SATL1: variants seen among roughly 807,000 people sequenced by gnomAD.
The protein encoded by SATL1 is spermidine/spermine N(1)-acetyltransferase-like protein 1.
Under a neutral mutation model 51.8 loss-of-function variants are expected in SATL1, and 47 were observed. The observed-to-expected ratio is 0.91, with a 90% CI of 0.72 to 1.16. SATL1 has a LOEUF of 1.16. SATL1 is among the 50% of genes most tolerant of loss of function. The pLI is 0.00. For missense variants in SATL1, 520 were observed against 526.4 expected, an observed-to-expected ratio of 0.99 and a Z score of 0.12; for synonymous variants, 176 against 182.4, an observed-to-expected ratio of 0.97 and a Z score of 0.28.
chrX:85,137,315 C>T (rs993924504), intron 2 of SATL1, among the ~76,000 whole-genome samples: 3 of 111,202 alleles, frequency 2.7e-5, no homozygotes, highest in Admixed American at 9.6e-5. Flanking sequence ...AGTAGGTGAA[C>T]GTAATAATTG....
intron 2 of SATL1, among the ~76,000 whole-genome samples, chrX:85,168,505 C>A (rs1926896310): frequency 9.0e-6 from 1 of 111,190 alleles, no homozygotes; most frequent in African/African-American, 3.3e-5. Context: ...AGAGCCAAAT[C>A]AGGAATGAAC....
At chrX:85,225,429 C>G (rs1384560560) in intron 1 of SATL1, among the ~76,000 whole-genome samples, 1 of 112,384 alleles carries the variant, frequency 8.9e-6, no homozygotes, top group Non-Finnish European at 1.9e-5. Flanking sequence ...TGAATCCACA[C>G]TATCCCAGTA....
At chrX:85,152,533 C>T (rs1926476628) in intron 2 of SATL1, among the ~76,000 whole-genome samples, 1 of 111,279 alleles carries the variant, frequency 9.0e-6, no homozygotes, top group Non-Finnish European at 1.9e-5. Flanking sequence ...TTTATTGCGG[C>T]ACTATTCACA....
At chrX:85,168,060 A>C (rs1926886188) in intron 2 of SATL1, among the ~76,000 whole-genome samples, 1 of 111,287 alleles carries the variant, frequency 9.0e-6, no homozygotes, top group African/African-American at 3.3e-5. Context: ...TAGATGCAGA[A>C]AGGCTTTTGA....
intron 2 of SATL1, among the ~76,000 whole-genome samples, chrX:85,179,191 T>C (rs918776781): frequency 4.5e-5 from 5 of 111,859 alleles, no homozygotes; most frequent in African/African-American, 1.3e-4. Context: ...TAGTGGCTAC[T>C]ATATTGGACA....
chrX:85,117,211 A>T (rs1925399294), intron 2 of SATL1: 2 of 111,640 alleles, frequency 1.8e-5, no homozygotes, highest in South Asian at 7.6e-4. Context: ...GCCATCTTCC[A>T]GGTGTACTTT....
chrX:85,147,805 C>T (rs1271526535), intron 2 of SATL1, among the ~76,000 whole-genome samples: 2 of 111,412 alleles, frequency 1.8e-5, no homozygotes, highest in Non-Finnish European at 3.8e-5. Flanking sequence ...AGGACATCCA[C>T]ACCAAAAACC....
chrX:85,192,408 T>A (rs1927459442), intron 2 of SATL1, among the ~76,000 whole-genome samples: 1 of 111,261 alleles, frequency 9.0e-6, no homozygotes, highest in Non-Finnish European at 1.9e-5. Context: ...TCTCTTCCCC[T>A]CCATTGTCCT....
intron 2 of SATL1, among the ~76,000 whole-genome samples, chrX:85,151,072 G>A (rs1158151115): frequency 9.2e-6 from 1 of 109,277 alleles, no homozygotes; most frequent in Non-Finnish European, 1.9e-5. Context: ...AAACCCCATT[G>A]TCTCAGCCCA....
chrX:85,101,783 A>G (rs868131540), intron 4 of SATL1, among the ~76,000 whole-genome samples: 25 of 111,660 alleles, frequency 2.2e-4, no homozygotes, highest in African/African-American at 7.8e-4. Flanking sequence ...GTCAAAATAA[A>G]CAAAATGATA....
intron 2 of SATL1, chrX:85,116,232 G>C (rs1925380368): frequency 9.0e-6 from 1 of 111,657 alleles, no homozygotes; most frequent in Non-Finnish European, 1.9e-5. Context: ...ACAAAGAATT[G>C]AGAGGCATAA....
intron 2 of SATL1, among the ~76,000 whole-genome samples, chrX:85,126,886 T>C (rs1475056020): frequency 2.8e-5 from 3 of 105,426 alleles, no homozygotes; most frequent in Non-Finnish European, 1.9e-5. Context: ...AGCTGATATA[T>C]ACCATTATAG....
At chrX:85,193,431 A>C (rs886350027) in intron 2 of SATL1, among the ~76,000 whole-genome samples, 1 of 111,840 alleles carries the variant, frequency 8.9e-6, no homozygotes, top group African/African-American at 3.3e-5. Context: ...AGTGAGTGCA[A>C]GTGTGTCTTA....
intron 4 of SATL1, among the ~76,000 whole-genome samples, chrX:85,096,842 A>AC (rs1924735919): frequency 1.2e-5 from 1 of 80,291 alleles, no homozygotes; most frequent in African/African-American, 4.9e-5. Context: ...ATTCCCAAAC[A>AC]CCCCCCACCC....
intron 2 of SATL1, among the ~76,000 whole-genome samples, chrX:85,110,805 T>A (rs1236616452): frequency 8.9e-6 from 1 of 112,729 alleles, no homozygotes; most frequent in East Asian, 2.8e-4. Context: ...TGTGTGTTGC[T>A]GCTTTCCATC....
At chrX:85,104,842 A>G (rs1274440627) in intron 3 of SATL1, among the ~76,000 whole-genome samples, 1 of 111,782 alleles carries the variant, frequency 8.9e-6, no homozygotes. Flanking sequence ...TGACAAGAAA[A>G]AAGTCTGTAC....
At chrX:85,221,710 C>T (rs751785971) in intron 2 of SATL1, among the ~76,000 whole-genome samples, 206 of 112,074 alleles carry the variant, frequency 1.8e-3, no homozygotes, top group African/African-American at 6.2e-3. Context: ...GTTAGGCTGC[C>T]CATGAAAGAG....
rs1926604486 is a variant in SATL1 at position 85,156,843 on chromosome X, AT to A, written c.-312-47564del. On this transcript the variant is annotated intron_variant, in intron 2 of 7. Coordinates refer to ENST00000644105, the MANE Select transcript of SATL1 (RefSeq NM_001367857.2). Reference sequence around the variant, plus strand: ...TATATATATATATATATATATATATATATATATATATATATATATATATATA... The same window carrying A: ...TATATATATATATATATATATATATAATATATATATATATATATATATATA... Among the ~76,000 whole-genome samples, 18 of 70,153 alleles carry A rather than the reference AT, an allele frequency of 2.6e-4. 1 individual carries two copies. Among genetic ancestry groups the A allele is most frequent in the African/African-American group, 5.7e-4 (10 of 17,418 alleles). 60.9% of individuals were successfully genotyped at this position (70,153 alleles called of 115,157 possible). A position where few individuals can be genotyped will look rare whatever the true frequency, so the allele number is the denominator to read the frequency against.
At chrX:85,197,722 C>T (rs915563041) in intron 2 of SATL1, among the ~76,000 whole-genome samples, 26 of 104,150 alleles carry the variant, frequency 2.5e-4, no homozygotes, top group Non-Finnish European at 4.9e-4. Flanking sequence ...TGTTCAATTC[C>T]CACCTATGAG....
Sources: gnomAD v4.1 joint callset for allele counts (sites outside exome capture counted in the v4.1 genomes callset) on GRCh38, gnomAD v4.1.1 for gene constraint, MANE v1.5 for transcripts, NCBI Gene and HGNC (gene_info 2026-07-23, HGNC 2026-07-21) for gene names.